MFSD6: variants seen among roughly 807,000 people sequenced by gnomAD.
The protein encoded by MFSD6 is major facilitator superfamily domain containing 6, also known as major facilitator superfamily domain-containing protein 6.
In MFSD6, 26 loss-of-function variants were observed where a neutral mutation model predicts 56.3. The ratio of observed to expected loss-of-function variants is 0.46; its 90% CI spans 0.34 to 0.64. The LOEUF is 0.64. Ranked by LOEUF, MFSD6 falls within the 30% of genes least tolerant of loss-of-function variation. The probability of loss-of-function intolerance (pLI) is 0.01; values close to 1 mark genes in which losing one functional copy is unlikely to be tolerated. For missense variants in MFSD6, 750 were observed against 986.2 expected, an observed-to-expected ratio of 0.76 and a Z score of 3.21; for synonymous variants, 331 against 366.9, an observed-to-expected ratio of 0.90 and a Z score of 1.12.
At chr2:190,475,242 G>C (rs1302792058) in intron 4 of MFSD6, among the ~76,000 whole-genome samples, 2 of 152,262 alleles carry the variant, frequency 1.3e-5, no homozygotes, top group African/African-American at 4.8e-5. Context: ...AGGAAATAAA[G>C]GGTATTCAAT....
chr2:190,466,917 T>G (rs1005429565), intron 3 of MFSD6, among the ~76,000 whole-genome samples: 1 of 152,316 alleles, frequency 6.6e-6, no homozygotes, highest in South Asian at 2.1e-4. Context: ...GAATTCCATC[T>G]GGGAAGAGGT....
Position 190,495,600 on chromosome 2 carries a change from C to G in MFSD6, c.1892-1839C>G, listed in dbSNP as rs886845607. On this transcript the variant is annotated intron_variant, in intron 6 of 7. Coordinates refer to ENST00000392328, the MANE Select transcript of MFSD6 (RefSeq NM_017694.4). The surrounding 1 kb of genome is among the most constrained non-coding windows in gnomAD (Gnocchi z 4.7). ...TCACACTACCTGATTTCAAACTATA[C>G]TATAAGGCCATAGTCACCAAAACAG... is the stretch of plus-strand genomic sequence containing the variant. 6.6e-6 allele frequency among the ~76,000 whole-genome samples: 1 copy of G among 152,118 alleles called. No homozygotes were observed. Among genetic ancestry groups the G allele is most frequent in the Non-Finnish European group, 1.5e-5 (1 of 68,014 alleles).
In MFSD6 at chr2:190,410,852, T is replaced by TC. The variant is rs200461307; in HGVS notation, c.-176+2350dup. 0.15 allele frequency among the ~76,000 whole-genome samples: 22,764 copies of TC among 151,884 alleles called. 2,654 individuals carry two copies. Among genetic ancestry groups the TC allele is most frequent in the Admixed American group, 0.35 (5,346 of 15,258 alleles). On this transcript the variant is annotated intron_variant, in intron 1 of 7. Coordinates refer to ENST00000392328, the MANE Select transcript of MFSD6 (RefSeq NM_017694.4). This position sits in a 1 kb window ranked among gnomAD's most constrained non-coding sequence, Gnocchi z 4.4. ...GCAGGTGGATCACGAAGTCAGGAGT[T>TC]CAAGACCAGCCTGGCCAAGATGGTG... is the stretch of plus-strand genomic sequence containing the variant.
intron 4 of MFSD6, among the ~76,000 whole-genome samples, chr2:190,486,528 CA>C (rs1294306176): frequency 6.6e-6 from 1 of 152,200 alleles, no homozygotes; most frequent in Non-Finnish European, 1.5e-5. Flanking sequence ...TCTCATCAGT[CA>C]GTAAACTAAA....
Position 190,438,958 on chromosome 2 carries a change from G to A in MFSD6, c.1532+1397G>A, listed in dbSNP as rs1392155454. On this transcript the variant is annotated intron_variant, in intron 3 of 7. Transcript: ENST00000392328. The surrounding 1 kb of genome is among the most constrained non-coding windows in gnomAD (Gnocchi z 5.2). Reference sequence around the variant, plus strand: ...TGTTCCTTCCCTTTCTCAGATCTTCGATCCCTTTGTTGTCACCACCAAAGT... The same window carrying A: ...TGTTCCTTCCCTTTCTCAGATCTTCAATCCCTTTGTTGTCACCACCAAAGT... Among the ~76,000 whole-genome samples, 7 of 151,784 alleles carry A rather than the reference G, an allele frequency of 4.6e-5. No individual in the cohort carries two copies. The highest frequency in any genetic ancestry group is 1.5e-5 in the Non-Finnish European group (1 of 67,986).
At chr2:190,470,901 A>C (rs920563047) in intron 4 of MFSD6, among the ~76,000 whole-genome samples, 4 of 147,186 alleles carry the variant, frequency 2.7e-5, no homozygotes, top group Non-Finnish European at 6.1e-5. Flanking sequence ...TATAAAATTC[A>C]AGTATATATA....
Position 190,485,727 on chromosome 2 carries a change from A to AAGCAAAC in MFSD6, c.1631-2928_1631-2922dup, listed in dbSNP as rs1357220328. ...GGTATTGCAATTGTTTTGCCAGATA[A>AAGCAAAC]AGCAAACACGTTATTTGACTTCTTA... On this transcript the variant is annotated intron_variant, in intron 4 of 7. Transcript: ENST00000392328. This position sits in a 1 kb window ranked among gnomAD's most constrained non-coding sequence, Gnocchi z 5.1. Among the ~76,000 whole-genome samples, 1 of 152,164 alleles carries AAGCAAAC rather than the reference A, an allele frequency of 6.6e-6. No individual in the cohort carries two copies. The highest frequency in any genetic ancestry group is 1.9e-4 in the East Asian group (1 of 5,200).
rs1013688838 is a variant in MFSD6 at position 190,485,028 on chromosome 2, T to C, written c.1631-3629T>C. On this transcript the variant is annotated intron_variant, in intron 4 of 7. Coordinates refer to ENST00000392328, the MANE Select transcript of MFSD6 (RefSeq NM_017694.4). The surrounding 1 kb of genome is among the most constrained non-coding windows in gnomAD (Gnocchi z 5.1). Reference sequence around the variant, plus strand: ...TCAAAAGCAATATAGAAACTAGAAGTCTAACTGTGGAGAATCTTTTACAAC... The same window carrying C: ...TCAAAAGCAATATAGAAACTAGAAGCCTAACTGTGGAGAATCTTTTACAAC... Among the ~76,000 whole-genome samples the C allele has an allele frequency of 6.6e-6, 1 of 152,192 alleles. No homozygotes were observed. The highest frequency in any genetic ancestry group is 2.4e-5 in the African/African-American group (1 of 41,454).
At chr2:190,446,439 A>G (rs1686586552) in intron 3 of MFSD6, among the ~76,000 whole-genome samples, 1 of 152,202 alleles carries the variant, frequency 6.6e-6, no homozygotes, top group African/African-American at 2.4e-5. Flanking sequence ...TCCAACTGCT[A>G]CAGCTCCCTA....
Position 190,488,886 on chromosome 2 carries a change from A to C in MFSD6, c.1792+68A>C. 6.5e-6 allele frequency: 9 copies of C among 1,381,658 alleles called. No homozygotes were observed. Among genetic ancestry groups the C allele is most frequent in the Admixed American group, 2.5e-5 (1 of 39,270 alleles). The allele number at this position is 1,381,658 out of a possible 1,614,324, so 85.6% of individuals were successfully genotyped here. On this transcript the variant is annotated intron_variant, in intron 5 of 7. Coordinates refer to ENST00000392328, the MANE Select transcript of MFSD6 (RefSeq NM_017694.4). The surrounding 1 kb of genome is among the most constrained non-coding windows in gnomAD (Gnocchi z 6.4). ...ACATGATTTTTTCCAGCAATACCTC[A>C]ATAAACAATCCAATTATTACTGAAG...
In MFSD6 at chr2:190,443,906, G is replaced by A. The variant is rs535978104; in HGVS notation, c.1532+6345G>A. On this transcript the variant is annotated intron_variant, in intron 3 of 7. Coordinates refer to ENST00000392328, the MANE Select transcript of MFSD6 (RefSeq NM_017694.4). The surrounding 1 kb of genome is among the most constrained non-coding windows in gnomAD (Gnocchi z 4.2). ...CTTGTCTCTACAAAAAATAACATTA[G>A]CTGGGCATGGTGTCACACGCCTGTA... 9.3e-4 allele frequency among the ~76,000 whole-genome samples: 142 copies of A among 152,228 alleles called. 1 individual carries two copies. The highest frequency in any genetic ancestry group is 2.9e-3 in the African/African-American group (119 of 41,540).
In MFSD6 at chr2:190,471,056, T is replaced by G. The variant is rs1301068319; in HGVS notation, c.1630+1201T>G. 6.6e-6 allele frequency among the ~76,000 whole-genome samples: 1 copy of G among 152,006 alleles called. No individual in the cohort carries two copies. Among genetic ancestry groups the G allele is most frequent in the African/African-American group, 2.4e-5 (1 of 41,372 alleles). On this transcript the variant is annotated intron_variant, in intron 4 of 7. Coordinates refer to ENST00000392328, the MANE Select transcript of MFSD6 (RefSeq NM_017694.4). This position sits in a 1 kb window ranked among gnomAD's most constrained non-coding sequence, Gnocchi z 4.7. The stretch of plus-strand genomic sequence containing the variant: ...TCTAATAATTAGAACTCTGGAAGGG[T>G]CTTGAGGGGAGGCACACATCTCAGT...
chr2:190,479,600 G>A (rs1475968729), intron 4 of MFSD6, among the ~76,000 whole-genome samples: 1 of 152,124 alleles, frequency 6.6e-6, no homozygotes, highest in Admixed American at 6.5e-5. Flanking sequence ...CTTCCTCTGT[G>A]GGTGTTGGTT....
At chr2:190,414,853 G>C (rs574603767) in intron 1 of MFSD6, among the ~76,000 whole-genome samples, 2 of 151,810 alleles carry the variant, frequency 1.3e-5, no homozygotes, top group Non-Finnish European at 2.9e-5. Flanking sequence ...CATTTTTATC[G>C]AGTCTTTTTC....
Position 190,433,411 on chromosome 2 carries a change from A to C in MFSD6, c.-53-2566A>C, listed in dbSNP as rs1686072820. On this transcript the variant is annotated intron_variant, in intron 2 of 7. Transcript: ENST00000392328. The surrounding 1 kb of genome is among the most constrained non-coding windows in gnomAD (Gnocchi z 4.5). The stretch of plus-strand genomic sequence containing the variant: ...AAAATAGGTATAGAACATTAAAGAA[A>C]GTCATGTATAGCTAAGCAGCAAAAG... 6.6e-6 allele frequency: 1 copy of C among 152,204 alleles called. No homozygotes were observed. The highest frequency in any genetic ancestry group is 2.1e-4 in the South Asian group (1 of 4,832). 9.4% of individuals were successfully genotyped at this position (152,204 alleles called of 1,614,324 possible). A position where few individuals can be genotyped will look rare whatever the true frequency, so the allele number is the denominator to read the frequency against.
At position 190,463,665 on chromosome 2, in the gene MFSD6, C is replaced by A. The variant is rs533277610; in HGVS notation, c.1533-6093C>A. ...GTGAGACTTTGTGTCTACTAAAAAT[C>A]AAAAGTTAGCTTGGCGTGATGGTGC... On this transcript the variant is annotated intron_variant, in intron 3 of 7. Coordinates refer to ENST00000392328, the MANE Select transcript of MFSD6 (RefSeq NM_017694.4). The surrounding 1 kb of genome is among the most constrained non-coding windows in gnomAD (Gnocchi z 4.4). Among the ~76,000 whole-genome samples, 1 of 151,928 alleles carries A rather than the reference C, an allele frequency of 6.6e-6. No individual in the cohort carries two copies. Among genetic ancestry groups the A allele is most frequent in the African/African-American group, 2.4e-5 (1 of 41,440 alleles).
Position 190,413,301 on chromosome 2 carries a change from G to A in MFSD6, c.-175-1991G>A, listed in dbSNP as rs1690642340. Among the ~76,000 whole-genome samples the A allele has an allele frequency of 1.3e-5, 2 of 152,054 alleles. No homozygotes were observed. The highest frequency in any genetic ancestry group is 6.6e-5 in the Admixed American group (1 of 15,258). ...ATGGGAGGGGCGGGGTAGAATGGGG[G>A]AGAATAGGGCAAAGATGGGAAGAAA... is the stretch of plus-strand genomic sequence containing the variant. On this transcript the variant is annotated intron_variant, in intron 1 of 7. Coordinates refer to ENST00000392328, the MANE Select transcript of MFSD6 (RefSeq NM_017694.4). The surrounding 1 kb of genome is among the most constrained non-coding windows in gnomAD (Gnocchi z 4.1).
chr2:190,432,990 G>C (rs1054830513), intron 2 of MFSD6, among the ~76,000 whole-genome samples: 2 of 152,084 alleles, frequency 1.3e-5, no homozygotes, highest in African/African-American at 4.8e-5. Context: ...AATCAACCAA[G>C]GTTTTAGTTT....
Position 190,469,786 on chromosome 2 carries a change from A to G in MFSD6, c.1561A>G (p.Thr521Ala). Reference protein sequence around the residue: ...RVLYIGLACNTARYIYISYLE... With the variant: ...RVLYIGLACNAARYIYISYLE... The stretch of plus-strand genomic sequence containing the variant: ...TCTGTACATTGGCCTGGCCTGCAAT[A>G]CGGCTCGCTATATTTATATTTCCTA... Residue 521 changes from threonine (T) to alanine (A), a missense_variant, in exon 4 of 8, where the codon ACG becomes GCG. This residue lies in a region of MFSD6 where 125 missense variants were observed against 223.1 expected (regional missense o/e 0.56). Coordinates refer to ENST00000392328, the MANE Select transcript of MFSD6 (RefSeq NM_017694.4). This position sits in a 1 kb window ranked among gnomAD's most constrained non-coding sequence, Gnocchi z 5.3. 1.2e-6 allele frequency: 2 copies of G among 1,606,850 alleles called. No individual in the cohort carries two copies. The highest frequency in any genetic ancestry group is 1.7e-6 in the Non-Finnish European group (2 of 1,176,966).
Sources: gnomAD v4.1 joint callset for allele counts (sites outside exome capture counted in the v4.1 genomes callset) on GRCh38, gnomAD v4.1.1 for gene constraint, gnomAD v4.1.1 regional missense constraint, Gnocchi (gnomAD v3.1) non-coding constraint, MANE v1.5 for transcripts, NCBI Gene and HGNC (gene_info 2026-07-23, HGNC 2026-07-21) for gene names.